Variants in EPHA7 observed in about 807,000 individuals in gnomAD.
The protein encoded by EPHA7 is ephrin type-A receptor 7.
In EPHA7, 25 loss-of-function variants were observed where a neutral mutation model predicts 112.6. The observed-to-expected ratio is 0.22, with a 90% confidence interval of 0.16 to 0.31. EPHA7 has a LOEUF of 0.31. Among genes scored for constraint, EPHA7 ranks in the 10% least tolerant of loss-of-function variants. The pLI is 1.00. For synonymous variants in EPHA7, 437 were observed against 406.5 expected, an observed-to-expected ratio of 1.07 and a Z score of -0.90; for missense variants, 962 against 1,212.6, an observed-to-expected ratio of 0.79 and a Z score of 3.07.
At chr6:93,384,576 A>G (rs1777506256) in intron 3 of EPHA7, among the ~76,000 whole-genome samples, 1 of 152,130 alleles carries the variant, frequency 6.6e-6, no homozygotes, top group South Asian at 2.1e-4. Context: ...TGATCATCAA[A>G]TAAGAGCTGC....
chr6:93,382,778 C>T (rs1010693588), intron 3 of EPHA7, among the ~76,000 whole-genome samples: 4 of 152,090 alleles, frequency 2.6e-5, no homozygotes, highest in African/African-American at 9.7e-5. Flanking sequence ...CTTGTCCTTC[C>T]AGCTTTTTCT....
intron 3 of EPHA7, among the ~76,000 whole-genome samples, chr6:93,379,099 G>A (rs922202403): frequency 4.6e-5 from 7 of 151,942 alleles, no homozygotes; most frequent in Admixed American, 6.6e-5. Context: ...AAAGAAATAC[G>A]TTAGCATTAC....
At position 93,243,399 on chromosome 6, in the gene EPHA7, A is replaced by G. The variant is rs752327925; in HGVS notation, c.*27T>C. 3.9e-6 allele frequency: 6 copies of G among 1,520,710 alleles called. No individual in the cohort carries two copies. The highest frequency in any genetic ancestry group is 4.6e-6 in the Non-Finnish European group (5 of 1,095,874). The allele number at this position is 1,520,710 out of a possible 1,614,324, so 94.2% of individuals were successfully genotyped here. On this transcript the variant is annotated 3_prime_UTR_variant, in exon 17 of 17. Transcript: ENST00000369303. ...CAGTACTGTTCTCTTGCAGTCTGTA[A>G]TCTCCCTTAAAAGGGAGAAATGCAT...
At chr6:93,346,286 T>C (rs140279111) in intron 5 of EPHA7, among the ~76,000 whole-genome samples, 6 of 151,812 alleles carry the variant, frequency 4.0e-5, no homozygotes, top group East Asian at 3.9e-4. Flanking sequence ...ATGCAGCTTA[T>C]TGATTTCTTG....
intron 1 of EPHA7, among the ~76,000 whole-genome samples, chr6:93,416,199 C>G (rs961423840): frequency 5.3e-5 from 8 of 152,110 alleles, no homozygotes; most frequent in Admixed American, 2.6e-4. Flanking sequence ...ATCGATAAAT[C>G]GTTGGACTAG....
chr6:93,391,407 T>C (rs1309192963), intron 3 of EPHA7, among the ~76,000 whole-genome samples: 1 of 151,942 alleles, frequency 6.6e-6, no homozygotes, highest in Non-Finnish European at 1.5e-5. Flanking sequence ...AATATTCAAA[T>C]TTTGAAACAT....
intron 5 of EPHA7, among the ~76,000 whole-genome samples, chr6:93,344,867 T>C (rs1049664880): frequency 6.6e-6 from 1 of 151,572 alleles, no homozygotes; most frequent in South Asian, 2.1e-4. Context: ...CCTAACTATT[T>C]GTTTTCTCAA....
intron 5 of EPHA7, among the ~76,000 whole-genome samples, chr6:93,310,526 G>A (rs145735120): frequency 2.2e-3 from 339 of 152,124 alleles, no homozygotes; most frequent in Non-Finnish European, 3.6e-3. Flanking sequence ...TTAGCCGGGC[G>A]TGGTGGCGGG....
intron 5 of EPHA7, among the ~76,000 whole-genome samples, chr6:93,315,048 G>A (rs1773736236): frequency 6.7e-6 from 1 of 149,808 alleles, no homozygotes; most frequent in African/African-American, 2.5e-5. Context: ...ATTTTTAGTA[G>A]AGACGGGGTT....
chr6:93,316,764 A>G (rs908486187), intron 5 of EPHA7, among the ~76,000 whole-genome samples: 8 of 152,172 alleles, frequency 5.3e-5, no homozygotes, highest in African/African-American at 1.7e-4. Context: ...AGAATTTCCT[A>G]TTGATACTGA....
At chr6:93,250,081 TAAC>T (rs1770137427) in intron 14 of EPHA7, among the ~76,000 whole-genome samples, 2 of 152,238 alleles carry the variant, frequency 1.3e-5, no homozygotes, top group Non-Finnish European at 2.9e-5. Flanking sequence ...TTTAAAGGAA[TAAC>T]AACAAGATAT....
chr6:93,382,796 C>T (rs1386394881), intron 3 of EPHA7, among the ~76,000 whole-genome samples: 2 of 152,162 alleles, frequency 1.3e-5, no homozygotes, highest in Non-Finnish European at 2.9e-5. Context: ...TCTACCACTA[C>T]TCTTTTTAAA....
chr6:93,300,469 T>C (rs569896449), intron 5 of EPHA7, among the ~76,000 whole-genome samples: 21 of 152,248 alleles, frequency 1.4e-4, no homozygotes, highest in Middle Eastern at 3.4e-3. Context: ...TTTAGGACAA[T>C]TTTTATTTTC....
intron 3 of EPHA7, among the ~76,000 whole-genome samples, chr6:93,405,965 CAG>C (rs1778701139): frequency 6.7e-6 from 1 of 149,464 alleles, no homozygotes; most frequent in South Asian, 2.1e-4. Flanking sequence ...GATCAAGAAA[CAG>C]AATTTAAATA....
chr6:93,376,739 C>A (rs1314452557), intron 3 of EPHA7, among the ~76,000 whole-genome samples: 1 of 152,124 alleles, frequency 6.6e-6, no homozygotes, highest in African/African-American at 2.4e-5. Context: ...GACTCCTCAG[C>A]CCTGGGCTTC....
At chr6:93,246,638 GAA>G (rs920520100) in intron 15 of EPHA7, among the ~76,000 whole-genome samples, 152 bp downstream of exon 15, 1 of 151,942 alleles carries the variant, frequency 6.6e-6, no homozygotes, top group African/African-American at 2.4e-5. Flanking sequence ...TAACTGAAAA[GAA>G]AAAAATAAAC....
chr6:93,374,102 A>T (rs1201171588), intron 3 of EPHA7, among the ~76,000 whole-genome samples: 1 of 151,986 alleles, frequency 6.6e-6, no homozygotes, highest in Non-Finnish European at 1.5e-5. Context: ...CAGAGCTTTT[A>T]AAAAAAATAT....
intron 2 of EPHA7, among the ~76,000 whole-genome samples, chr6:93,412,856 T>A (rs1381840946): frequency 2.0e-5 from 3 of 152,056 alleles, no homozygotes; most frequent in Non-Finnish European, 2.9e-5. Context: ...AATTCCTTTA[T>A]CTAACTTCGA....
intron 5 of EPHA7, among the ~76,000 whole-genome samples, chr6:93,300,199 C>T (rs1443282968): frequency 6.6e-6 from 1 of 152,216 alleles, no homozygotes; most frequent in East Asian, 1.9e-4. Flanking sequence ...CCAGTAACAA[C>T]TGCTTAAATA....
Sources: allele counts gnomAD v4.1 joint callset (sites outside exome capture counted in the v4.1 genomes callset), GRCh38; gene constraint gnomAD v4.1.1; transcripts MANE v1.5; gene names NCBI Gene and HGNC (gene_info 2026-07-23, HGNC 2026-07-21).